The following ZNF385D variants were observed in gnomAD, a reference collection of about 807,000 sequenced individuals.
ZNF385D encodes zinc finger protein 659.
ZNF385D carries 15 observed loss-of-function variants against 35.8 expected under a neutral mutation model. That is an observed-to-expected ratio of 0.42 (90% CI 0.28 to 0.64). ZNF385D has a LOEUF of 0.64. ZNF385D is among the 30% of genes least tolerant of loss of function. ZNF385D has a pLI of 0.23. For synonymous variants in ZNF385D, 212 were observed against 186.8 expected (o/e 1.13, Z -1.10); for missense variants, 474 against 494.6 (o/e 0.96, Z 0.39).
chr3:22,074,945 G>A (rs1289663650), intron 3 of ZNF385D, among the ~76,000 whole-genome samples: 1 of 151,864 alleles, frequency 6.6e-6, no homozygotes, highest in East Asian at 1.9e-4. Flanking sequence ...AATCAGAAAT[G>A]ATGGTGAGAA....
intron 3 of ZNF385D, among the ~76,000 whole-genome samples, chr3:21,873,387 C>T (rs1369920075): frequency 1.3e-5 from 2 of 152,202 alleles, no homozygotes; most frequent in South Asian, 2.1e-4. Context: ...GTGGCATAGC[C>T]ATGATATAGT....
rs561653112 is a variant in ZNF385D, at chr3:22,007,989, T to C, written c.325+160828A>G. ...TACAAATGAGTTGAGCCATCTTTTA[T>C]TCTAGAACTTGTATAGTTTCTTTCT... On this transcript the variant is annotated intron_variant, in intron 3 of 5. Transcript: ENST00000494108. Among the ~76,000 whole-genome samples, 33 of 152,152 alleles carry C rather than the reference T, an allele frequency of 2.2e-4. No individual in the cohort carries two copies. In the East Asian group the frequency reaches 4.2e-3, roughly 20 times the overall value.
chr3:22,190,941 C>A (rs1233779569), intron 2 of ZNF385D, among the ~76,000 whole-genome samples: 1 of 151,870 alleles, frequency 6.6e-6, no homozygotes, highest in East Asian at 1.9e-4. Flanking sequence ...ATGAAAAGTA[C>A]CTAAAAGTCA....
chr3:22,120,623 G>A (rs1300028256), intron 3 of ZNF385D, among the ~76,000 whole-genome samples: 1 of 152,026 alleles, frequency 6.6e-6, no homozygotes, highest in African/African-American at 2.4e-5. Flanking sequence ...CTAGCTGCAC[G>A]ATACCACACA....
At chr3:22,025,780 G>T (rs975726140) in intron 3 of ZNF385D, among the ~76,000 whole-genome samples, 1 of 152,238 alleles carries the variant, frequency 6.6e-6, no homozygotes, top group Non-Finnish European at 1.5e-5. Context: ...CATCCCAGCT[G>T]GGAGGGTCCA....
rs567711370 is a variant in ZNF385D, at chr3:21,635,195, G to A, written c.165+29691C>T. On this transcript the variant is annotated intron_variant, in intron 2 of 7. Coordinates refer to ENST00000281523, the MANE Select transcript of ZNF385D (RefSeq NM_024697.3). ...TGCCTAAAAATATAATGATGTGTAA[G>A]CTAGACCCAGCTTCTATCATCGTAG... Among the ~76,000 whole-genome samples the A allele has an allele frequency of 6.6e-5, 10 of 152,194 alleles. 1 individual carries two copies. In the South Asian group the frequency reaches 2.1e-3, roughly 32 times the overall value.
At chr3:21,994,408 T>A (rs1287805974) in intron 3 of ZNF385D, among the ~76,000 whole-genome samples, 1 of 152,230 alleles carries the variant, frequency 6.6e-6, no homozygotes, top group Non-Finnish European at 1.5e-5. Context: ...ATATCTATCT[T>A]TGTTGAATTT....
chr3:21,735,734 T>C (rs778464112), intron 1 of ZNF385D, among the ~76,000 whole-genome samples: 7 of 152,190 alleles, frequency 4.6e-5, no homozygotes, highest in Non-Finnish European at 8.8e-5. Context: ...CTGCAAGGCA[T>C]AGTACAAAGA....
At chr3:21,437,947 C>A (rs529927557) in intron 4 of ZNF385D, among the ~76,000 whole-genome samples, 1 of 152,054 alleles carries the variant, frequency 6.6e-6, no homozygotes, top group Non-Finnish European at 1.5e-5. Context: ...ACAAGGAATT[C>A]GCAGGATGGC....
At chr3:22,060,083 T>C (rs1036509005) in intron 3 of ZNF385D, among the ~76,000 whole-genome samples, 3 of 152,208 alleles carry the variant, frequency 2.0e-5, no homozygotes, top group African/African-American at 7.2e-5. Flanking sequence ...ACAGCCTTCC[T>C]TGCCCAGTTC....
chr3:22,066,368 G>T (rs928288823), intron 3 of ZNF385D, among the ~76,000 whole-genome samples: 1 of 150,876 alleles, frequency 6.6e-6, no homozygotes, highest in East Asian at 2.0e-4. Flanking sequence ...TTCCCTGTGT[G>T]TGTGTGTGTA....
At chr3:22,370,894 C>T (rs1477989984) in intron 2 of ZNF385D, among the ~76,000 whole-genome samples, 2 of 152,120 alleles carry the variant, frequency 1.3e-5, no homozygotes, top group African/African-American at 2.4e-5. Flanking sequence ...TCAGAAGCCC[C>T]GATTTTTGCC....
intron 3 of ZNF385D, among the ~76,000 whole-genome samples, chr3:22,022,980 G>A (rs1024917744): frequency 6.6e-6 from 1 of 152,262 alleles, no homozygotes; most frequent in East Asian, 1.9e-4. Context: ...GGAGTCTAAA[G>A]AAGGCAAATA....
chr3:22,300,200 G>T (rs1702821770), intron 2 of ZNF385D, among the ~76,000 whole-genome samples: 1 of 151,902 alleles, frequency 6.6e-6, no homozygotes, highest in African/African-American at 2.4e-5. Flanking sequence ...AATGTACAAT[G>T]GGGAAAGAAC....
At chr3:21,571,275 G>A (rs2063327069) in intron 2 of ZNF385D, among the ~76,000 whole-genome samples, 1 of 152,024 alleles carries the variant, frequency 6.6e-6, no homozygotes, top group Admixed American at 6.6e-5. Flanking sequence ...ATTCAACATT[G>A]TGTTTGTATT....
At chr3:21,524,599 A>C (rs1708114836) in intron 3 of ZNF385D, among the ~76,000 whole-genome samples, 2 of 152,182 alleles carry the variant, frequency 1.3e-5, no homozygotes, top group South Asian at 4.1e-4. Context: ...ATAATCTCTC[A>C]GAATTTGGTC....
At chr3:21,494,097 C>T (rs1236674964) in intron 4 of ZNF385D, among the ~76,000 whole-genome samples, 1 of 152,102 alleles carries the variant, frequency 6.6e-6, no homozygotes, top group East Asian at 1.9e-4. Context: ...TCATGCAAAT[C>T]CAAAATTATC....
chr3:21,722,405 C>T (rs1427649637), intron 1 of ZNF385D, among the ~76,000 whole-genome samples: 1 of 152,212 alleles, frequency 6.6e-6, no homozygotes, highest in African/African-American at 2.4e-5. Flanking sequence ...AAGCTTGTAA[C>T]TATCTAGTGC....
chr3:21,707,235 T>A (rs781191588), intron 1 of ZNF385D, among the ~76,000 whole-genome samples: 12 of 152,238 alleles, frequency 7.9e-5, no homozygotes, highest in South Asian at 2.1e-4. Flanking sequence ...ACAAATCACA[T>A]CATCTTTATT....
Sources: allele counts gnomAD v4.1 joint callset (sites outside exome capture counted in the v4.1 genomes callset), GRCh38; gene constraint gnomAD v4.1.1; transcripts MANE v1.5; gene names NCBI Gene and HGNC (gene_info 2026-07-23, HGNC 2026-07-21).